BAZ2B: variants seen among roughly 807,000 people sequenced by gnomAD.
The protein encoded by BAZ2B is bromodomain adjacent to zinc finger domain 2B.
A neutral mutation model predicts 246.0 loss-of-function variants in BAZ2B; 91 were observed. That is an observed-to-expected ratio of 0.37 (90% CI 0.31 to 0.44). BAZ2B has a LOEUF of 0.44. Among genes scored for constraint, BAZ2B ranks in the 20% least tolerant of loss-of-function variants. The probability of loss-of-function intolerance (pLI) is 1.00; values close to 1 mark genes in which losing one functional copy is unlikely to be tolerated. For missense variants in BAZ2B, 2,332 were observed against 2,533.7 expected, an observed-to-expected ratio of 0.92 and a Z score of 1.71; for synonymous variants, 855 against 860.0, an observed-to-expected ratio of 0.99 and a Z score of 0.10.
At chr2:159,678,312 G>C in the BAZ2B span, among the ~76,000 whole-genome samples, 2 of 152,070 alleles carry the variant, frequency 1.3e-5, no homozygotes, top group Admixed American at 6.6e-5. Context: ...AACCATAATA[G>C]AGCAGTATCA....
At chr2:159,470,507 C>T (rs184459895) in intron 3 of BAZ2B, among the ~76,000 whole-genome samples, 1 of 152,330 alleles carries the variant, frequency 6.6e-6, no homozygotes, top group East Asian at 1.9e-4. Flanking sequence ...TTTGCATGTG[C>T]AGCTTCACTC....
At chr2:159,431,253 T>C in intron 9 of BAZ2B, 97 bp from the exon 10 acceptor site, 1 of 1,464,562 alleles carries the variant, frequency 6.8e-7, no homozygotes, top group Admixed American at 2.6e-5. Flanking sequence ...CCAGCACCTG[T>C]GAATGAGAAC....
intron 3 of BAZ2B, chr2:159,463,168 T>A: frequency 1.6e-6 from 1 of 606,978 alleles, no homozygotes. Context: ...GAATACTTCA[T>A]TAAATTCTCC....
intron 20 of BAZ2B, among the ~76,000 whole-genome samples, chr2:159,392,694 G>A (rs2063496958): frequency 6.6e-6 from 1 of 152,106 alleles, no homozygotes; most frequent in South Asian, 2.1e-4. Flanking sequence ...GTAGTGATAT[G>A]ACTGTAATAG....
At chr2:159,708,400 C>A in the BAZ2B span, among the ~76,000 whole-genome samples, 1 of 152,240 alleles carries the variant, frequency 6.6e-6, no homozygotes, top group East Asian at 1.9e-4. Context: ...GGGGATTATT[C>A]CTGGTGAGGC....
intron 4 of BAZ2B, among the ~76,000 whole-genome samples, chr2:159,453,064 C>A (rs186035007): frequency 1.3e-5 from 2 of 152,142 alleles, no homozygotes; most frequent in Non-Finnish European, 2.9e-5. Context: ...TGCACCACTG[C>A]GCTCTAGCCT....
At chr2:159,458,496 T>G (rs2150556377) in intron 3 of BAZ2B, 2 of 151,930 alleles carry the variant, frequency 1.3e-5, no homozygotes, top group African/African-American at 4.8e-5. Flanking sequence ...CGGCTAATTT[T>G]TTGTATTTTT....
chr2:159,670,009 C>A, the BAZ2B span, among the ~76,000 whole-genome samples: 4 of 151,978 alleles, frequency 2.6e-5, no homozygotes, highest in Non-Finnish European at 5.9e-5. Flanking sequence ...CTTGCTCTGT[C>A]GCCCAGGCTG....
At position 159,347,599 on chromosome 2, in the gene BAZ2B, C is replaced by T; in HGVS notation, c.5341G>A (p.Asp1781Asn). 1 of 1,612,722 alleles carries T rather than the reference C, an allele frequency of 6.2e-7. No individual in the cohort carries two copies. The highest frequency in any genetic ancestry group is 8.5e-7 in the Non-Finnish European group (1 of 1,179,004). Residue 1781 changes from aspartate to asparagine, a missense_variant, in exon 31 of 37, where the codon GAT (aspartate) becomes AAT (asparagine). Asp to Asn is a conservative substitution (Grantham distance 23). Transcript: ENST00000392783. The stretch of plus-strand genomic sequence containing the variant: ...TCTACTGACCAGTTCTCCACAATAT[C>T]TCGAGTTACTTGGTTTTCTTCATTT... ...NENEENQVTR[D>N]IVENWSVEEQ...
chr2:159,509,023 T>C (rs1020018051), intron 2 of BAZ2B, among the ~76,000 whole-genome samples: 1 of 152,198 alleles, frequency 6.6e-6, no homozygotes, highest in Admixed American at 6.5e-5. Flanking sequence ...CACTGATCTA[T>C]GAAAAGATAG....
rs543207307 is a variant in BAZ2B, at chr2:159,584,613, C to T, written c.-45-28748G>A. 2.4e-4 allele frequency among the ~76,000 whole-genome samples: 37 copies of T among 152,204 alleles called. No homozygotes were observed. In the East Asian group the frequency reaches 5.8e-3, roughly 24 times the overall value. On this transcript the variant is annotated intron_variant, in intron 1 of 36. Coordinates refer to ENST00000392783, the MANE Select transcript of BAZ2B (RefSeq NM_013450.4). ...AAGTAGAGTCAACACAATTTGTTGACGCCTTATAAGTGGGATATGAGAGGA... is the reference window on the plus strand; with the variant it reads ...AAGTAGAGTCAACACAATTTGTTGATGCCTTATAAGTGGGATATGAGAGGA...
chr2:159,599,841 C>T (rs1411255369), intron 1 of BAZ2B, among the ~76,000 whole-genome samples: 3 of 147,356 alleles, frequency 2.0e-5, no homozygotes, highest in African/African-American at 7.5e-5. Context: ...GAGGCTGAGG[C>T]AGGAGAATGG....
At chr2:159,679,284 A>AC in the BAZ2B span, among the ~76,000 whole-genome samples, 1 of 148,218 alleles carries the variant, frequency 6.7e-6, no homozygotes, top group Non-Finnish European at 1.5e-5. Context: ...AAAAAAAAAA[A>AC]AAAAAAAAAA....
intron 31 of BAZ2B, among the ~76,000 whole-genome samples, chr2:159,343,524 T>C (rs765536089): frequency 5.3e-5 from 8 of 152,068 alleles, no homozygotes; most frequent in Non-Finnish European, 1.0e-4. Context: ...TACCAGGATA[T>C]ACAAGGAACT....
chr2:159,463,056 C>A, intron 3 of BAZ2B: 1 of 725,566 alleles, frequency 1.4e-6, no homozygotes, highest in South Asian at 1.5e-5. Flanking sequence ...CACATCCTTC[C>A]ATCTTCACGG....
chr2:159,542,398 C>G (rs2086764022), intron 2 of BAZ2B, among the ~76,000 whole-genome samples: 1 of 152,162 alleles, frequency 6.6e-6, no homozygotes, highest in Admixed American at 6.5e-5. Context: ...TTATAATCAG[C>G]TATTGAAAGC....
intron 35 of BAZ2B, among the ~76,000 whole-genome samples, 183 bp from the exon 36 acceptor site, chr2:159,325,137 A>AG (rs549575101): frequency 0.15 from 8,037 of 52,948 alleles, 1,215 homozygotes; most frequent in Middle Eastern, 0.18. Context: ...ATATATATAT[A>AG]TATATATATA....
At chr2:159,678,167 A>G in the BAZ2B span, among the ~76,000 whole-genome samples, 1 of 152,190 alleles carries the variant, frequency 6.6e-6, no homozygotes, top group Non-Finnish European at 1.5e-5. Context: ...AACATTTTCT[A>G]TTAATGCAAA....
At chr2:159,377,453 T>G (rs1392868324) in intron 25 of BAZ2B, among the ~76,000 whole-genome samples, 7 of 152,202 alleles carry the variant, frequency 4.6e-5, no homozygotes, top group Non-Finnish European at 2.9e-5. Context: ...CTCACATTAC[T>G]AACAAGGATC....
Sources: allele counts gnomAD v4.1 joint callset (sites outside exome capture counted in the v4.1 genomes callset), GRCh38; gene constraint gnomAD v4.1.1; transcripts MANE v1.5; gene names NCBI Gene and HGNC (gene_info 2026-07-23, HGNC 2026-07-21).